GMDS: variants seen among roughly 807,000 people sequenced by gnomAD.
The protein encoded by GMDS is GDP-mannose 4,6-dehydratase.
A neutral mutation model predicts 49.9 loss-of-function variants in GMDS; 20 were observed. The observed-to-expected ratio is 0.40, with a 90% CI of 0.28 to 0.58. The LOEUF (loss-of-function observed/expected upper bound fraction) is 0.58, where lower values mean the gene tolerates loss of function less well. GMDS is among the 20% of genes least tolerant of loss of function. The pLI, the probability that GMDS is intolerant of heterozygous loss-of-function variation, is 0.42. For synonymous variants in GMDS, 177 were observed against 178.6 expected (o/e 0.99, Z 0.07); for missense variants, 362 against 481.4 (o/e 0.75, Z 2.32).
rs371887713 is a variant in GMDS, at chr6:2,064,580, TC to T, written c.345+51190del. Among the ~76,000 whole-genome samples the T allele has an allele frequency of 4.7e-3, 723 of 152,238 alleles. 9 individuals are homozygous for T. Among genetic ancestry groups the T allele is most frequent in the Middle Eastern group, 0.037 (11 of 294 alleles). On this transcript the variant is annotated intron_variant, in intron 4 of 10. Transcript: ENST00000380815. ...GATCCCAAAGGACCTCCTCCCCGAT[TC>T]CCTACAATTTCTTCTATATTACCCA...
At chr6:1,884,577 C>T (rs1349885089) in intron 7 of GMDS, among the ~76,000 whole-genome samples, 1 of 152,202 alleles carries the variant, frequency 6.6e-6, no homozygotes, top group African/African-American at 2.4e-5. Context: ...ACAGGCCTGC[C>T]ATCAGAGCCT....
chr6:1,995,078 C>G (rs1283107445), intron 4 of GMDS, among the ~76,000 whole-genome samples: 1 of 152,114 alleles, frequency 6.6e-6, no homozygotes, highest in Non-Finnish European at 1.5e-5. Context: ...TTACAAACCC[C>G]TAAAAACCTG....
chr6:1,903,096 T>C (rs1037660287), intron 7 of GMDS, among the ~76,000 whole-genome samples: 2 of 152,216 alleles, frequency 1.3e-5, no homozygotes, highest in Non-Finnish European at 2.9e-5. Context: ...ACAAAGTTTC[T>C]ACATAGCTGA....
At chr6:1,944,723 T>C (rs1328910181) in intron 6 of GMDS, among the ~76,000 whole-genome samples, 1 of 133,282 alleles carries the variant, frequency 7.5e-6, no homozygotes, top group African/African-American at 2.9e-5. Flanking sequence ...TTAACAAAAA[T>C]AGTATTGGCT....
At chr6:1,641,543 A>G (rs562298901) in intron 9 of GMDS, among the ~76,000 whole-genome samples, 38 of 152,370 alleles carry the variant, frequency 2.5e-4, no homozygotes, top group African/African-American at 8.7e-4. Context: ...GATCTTTATC[A>G]GGTGACTCAG....
In GMDS at chr6:1,755,365, A is replaced by G. The variant is rs112725982; in HGVS notation, c.772-12779T>C. ...GAGAGCTATAAACCACTGCTCAAGG[A>G]AACAAGAGAGGACACAAAGAAATGG... On this transcript the variant is annotated intron_variant, in intron 7 of 10. Transcript: ENST00000380815. 5.2e-3 allele frequency among the ~76,000 whole-genome samples: 799 copies of G among 152,330 alleles called. 12 individuals are homozygous for G. Among genetic ancestry groups the G allele is most frequent in the African/African-American group, 0.018 (760 of 41,572 alleles).
chr6:1,904,915 G>A (rs926117933), intron 7 of GMDS, among the ~76,000 whole-genome samples: 4 of 152,172 alleles, frequency 2.6e-5, no homozygotes, highest in African/African-American at 4.8e-5. Flanking sequence ...CAGAGGCAAC[G>A]TTAAGTTCCT....
At chr6:1,775,576 AG>A (rs1768766956) in intron 7 of GMDS, among the ~76,000 whole-genome samples, 1 of 152,200 alleles carries the variant, frequency 6.6e-6, no homozygotes, top group Non-Finnish European at 1.5e-5. Context: ...CATGTTTAGC[AG>A]GGGTCAAAAC....
chr6:2,173,464 G>T (rs980063817), intron 1 of GMDS, among the ~76,000 whole-genome samples: 5 of 152,202 alleles, frequency 3.3e-5, no homozygotes, highest in Admixed American at 3.3e-4. Context: ...AGGGAAGGAG[G>T]GCAGCAAGGC....
chr6:1,741,227 A>T (rs1767257342), intron 8 of GMDS, among the ~76,000 whole-genome samples: 1 of 152,186 alleles, frequency 6.6e-6, no homozygotes, highest in Non-Finnish European at 1.5e-5. Context: ...TGACATATAC[A>T]ATAGGTATTG....
At chr6:1,783,150 G>A (rs1479119752) in intron 7 of GMDS, among the ~76,000 whole-genome samples, 1 of 152,116 alleles carries the variant, frequency 6.6e-6, no homozygotes, top group Non-Finnish European at 1.5e-5. Context: ...GTGAGACCTT[G>A]CCAAAGAGAG....
At chr6:1,824,493 C>T (rs1359710716) in intron 7 of GMDS, among the ~76,000 whole-genome samples, 1 of 152,200 alleles carries the variant, frequency 6.6e-6, no homozygotes, top group Non-Finnish European at 1.5e-5. Context: ...ACAACGCCTG[C>T]TGATCTGTGT....
At chr6:1,979,377 C>T (rs1313145146) in intron 4 of GMDS, among the ~76,000 whole-genome samples, 1 of 152,110 alleles carries the variant, frequency 6.6e-6, no homozygotes, top group Admixed American at 6.5e-5. Flanking sequence ...AAAAAACATG[C>T]TACAAGAACT....
chr6:2,141,387 G>A (rs981882023), intron 1 of GMDS, among the ~76,000 whole-genome samples: 2 of 152,190 alleles, frequency 1.3e-5, no homozygotes, highest in Non-Finnish European at 2.9e-5. Flanking sequence ...TTTATCATAC[G>A]CACATGTAGA....
chr6:1,925,811 T>C (rs1761972703), intron 7 of GMDS, among the ~76,000 whole-genome samples: 1 of 152,190 alleles, frequency 6.6e-6, no homozygotes, highest in South Asian at 2.1e-4. Context: ...CAGGCACTCC[T>C]GCCTTCACGC....
chr6:2,098,995 AT>A (rs1444486820), intron 4 of GMDS, among the ~76,000 whole-genome samples: 2 of 151,938 alleles, frequency 1.3e-5, no homozygotes, highest in Non-Finnish European at 2.9e-5. Context: ...ACTTTTAACT[AT>A]TTTTTTTCTG....
chr6:1,763,632 A>T (rs777394465), intron 7 of GMDS, among the ~76,000 whole-genome samples: 9 of 152,230 alleles, frequency 5.9e-5, no homozygotes, highest in Non-Finnish European at 1.0e-4. Context: ...TGACTCCAGA[A>T]TAAACAGATT....
intron 9 of GMDS, 90 bp downstream of exon 9, chr6:1,726,326 C>G: frequency 1.2e-6 from 1 of 845,094 alleles, no homozygotes; most frequent in Non-Finnish European, 2.1e-6. Context: ...ACTGACAGCT[C>G]CAAAGGCTGG....
intron 4 of GMDS, among the ~76,000 whole-genome samples, chr6:1,975,108 G>A (rs2127331559): frequency 6.6e-6 from 1 of 152,094 alleles, no homozygotes; most frequent in African/African-American, 2.4e-5. Context: ...CCAGGATATT[G>A]TTAGATATCA....
Sources: gnomAD v4.1 joint callset for allele counts (sites outside exome capture counted in the v4.1 genomes callset) on GRCh38, gnomAD v4.1.1 for gene constraint, MANE v1.5 for transcripts, NCBI Gene and HGNC (gene_info 2026-07-23, HGNC 2026-07-21) for gene names.